DCC: variants seen among roughly 807,000 people sequenced by gnomAD.
The protein encoded by DCC is netrin receptor DCC.
A neutral mutation model predicts 172.5 loss-of-function variants in DCC; 58 were observed. That is an observed-to-expected ratio of 0.34 (90% CI 0.27 to 0.42). DCC has a LOEUF of 0.42. Ranked by LOEUF, DCC falls within the 10% of genes least tolerant of loss-of-function variation. DCC has a pLI of 1.00. For synonymous variants in DCC, 709 were observed against 644.5 expected (o/e 1.10, Z -1.52); for missense variants, 1,740 against 1,791.0 (o/e 0.97, Z 0.51).
chr18:52,786,335 A>G (rs1479539108), intron 2 of DCC, among the ~76,000 whole-genome samples: 1 of 152,048 alleles, frequency 6.6e-6, no homozygotes, highest in Non-Finnish European at 1.5e-5. Flanking sequence ...ATTTGATTAC[A>G]GGAATAAGCA....
chr18:53,405,229 A>T (rs1546302), intron 19 of DCC, among the ~76,000 whole-genome samples: 1 of 151,096 alleles, frequency 6.6e-6, no homozygotes, highest in Non-Finnish European at 1.5e-5. Flanking sequence ...TCTCAGTGCG[A>T]CCAGGTAGAT....
intron 15 of DCC, among the ~76,000 whole-genome samples, chr18:53,379,892 A>G (rs12607571): frequency 0.46 from 69,719 of 152,102 alleles, 16,934 homozygotes; most frequent in Non-Finnish European, 0.54. Flanking sequence ...GGACTTCCAA[A>G]TTATTATTTG....
At chr18:52,486,728 A>T (rs1403840021) in intron 1 of DCC, among the ~76,000 whole-genome samples, 4 of 152,162 alleles carry the variant, frequency 2.6e-5, no homozygotes, top group African/African-American at 9.6e-5. Flanking sequence ...TTATTGACTA[A>T]GAGAAAGCTT....
intron 9 of DCC, among the ~76,000 whole-genome samples, chr18:53,204,318 G>T (rs2055591344): frequency 6.6e-6 from 1 of 152,246 alleles, no homozygotes; most frequent in East Asian, 1.9e-4. Context: ...AAGGCAGGAG[G>T]ATCGCTTGCC....
intron 9 of DCC, among the ~76,000 whole-genome samples, chr18:53,200,053 G>A (rs768428428): frequency 6.6e-6 from 1 of 152,108 alleles, no homozygotes; most frequent in Non-Finnish European, 1.5e-5. Flanking sequence ...TGATAAAAAC[G>A]CATCCTGTTG....
chr18:52,796,384 T>C (rs1360974622), intron 2 of DCC, among the ~76,000 whole-genome samples: 1 of 152,122 alleles, frequency 6.6e-6, no homozygotes, highest in East Asian at 1.9e-4. Context: ...TTTCTCTTTC[T>C]CATTTGTGTA....
intron 2 of DCC, among the ~76,000 whole-genome samples, chr18:52,794,914 TGTG>T (rs1285814285): frequency 6.6e-6 from 1 of 152,088 alleles, no homozygotes; most frequent in Non-Finnish European, 1.5e-5. Context: ...CTTCTATTGA[TGTG>T]GTGTATCTCA....
chr18:53,497,316 A>ATCCTT (rs1453297253), intron 26 of DCC, among the ~76,000 whole-genome samples: 2 of 152,260 alleles, frequency 1.3e-5, no homozygotes, highest in African/African-American at 4.8e-5. Context: ...TATCTTGAGA[A>ATCCTT]TCCTTTGTGA....
intron 2 of DCC, 84 bp from the exon 3 acceptor site, chr18:52,905,960 A>G (rs2039875587): frequency 3.1e-6 from 3 of 960,242 alleles, no homozygotes; most frequent in Admixed American, 1.8e-5. Context: ...AATTTTCTAC[A>G]AAGAATACAA....
intron 2 of DCC, among the ~76,000 whole-genome samples, chr18:52,858,592 A>G (rs1296392619): frequency 6.6e-6 from 1 of 152,156 alleles, no homozygotes; most frequent in Non-Finnish European, 1.5e-5. Context: ...TCCCCCGTGT[A>G]TCTGCAACCT....
chr18:52,923,125 G>A (rs1368106581), intron 3 of DCC, among the ~76,000 whole-genome samples: 2 of 152,132 alleles, frequency 1.3e-5, no homozygotes, highest in African/African-American at 4.8e-5. Flanking sequence ...AAAATAAAAA[G>A]CCAGACACAG....
chr18:53,150,789 T>C (rs948524), intron 7 of DCC, among the ~76,000 whole-genome samples: 47,246 of 152,096 alleles, frequency 0.31, 9,185 homozygotes, highest in East Asian at 0.59. Flanking sequence ...ATTGAGCAAG[T>C]TCAGCATGGA....
chr18:52,554,738 A>G (rs1032990025), intron 1 of DCC, among the ~76,000 whole-genome samples: 4 of 152,124 alleles, frequency 2.6e-5, no homozygotes, highest in African/African-American at 9.7e-5. Context: ...TCTCAGAGAC[A>G]TTTACAGACC....
At chr18:52,703,173 A>T (rs1444208104) in intron 1 of DCC, among the ~76,000 whole-genome samples, 1 of 152,158 alleles carries the variant, frequency 6.6e-6, no homozygotes, top group Admixed American at 6.5e-5. Context: ...CTGAATTTTG[A>T]ATATCTCTTT....
At chr18:53,287,329 C>T (rs992355398) in intron 12 of DCC, among the ~76,000 whole-genome samples, 1 of 152,160 alleles carries the variant, frequency 6.6e-6, no homozygotes, top group Non-Finnish European at 1.5e-5. Context: ...CTTTTGATGG[C>T]TAAATTAATA....
At chr18:53,185,705 C>T (rs10163720) in intron 9 of DCC, among the ~76,000 whole-genome samples, 6 of 151,986 alleles carry the variant, frequency 3.9e-5, no homozygotes, top group Non-Finnish European at 8.8e-5. Context: ...TGCTGGTAAA[C>T]GAGGATACAA....
chr18:53,059,277 A>G (rs1336763082), intron 5 of DCC, among the ~76,000 whole-genome samples: 1 of 152,172 alleles, frequency 6.6e-6, no homozygotes, highest in Non-Finnish European at 1.5e-5. Flanking sequence ...GTGGAGACGT[A>G]GCCAAACTGT....
chr18:53,374,606 G>A (rs1244146927), intron 15 of DCC, among the ~76,000 whole-genome samples: 2 of 152,042 alleles, frequency 1.3e-5, no homozygotes, highest in Non-Finnish European at 2.9e-5. Context: ...TGCTTGTTGA[G>A]TGAAAAGGCA....
chr18:52,431,788 T>C (rs1271667862), intron 1 of DCC, among the ~76,000 whole-genome samples: 2 of 152,100 alleles, frequency 1.3e-5, no homozygotes, highest in Non-Finnish European at 2.9e-5. Context: ...TTATCAAGTG[T>C]CTCACCAATA....
Sources: gnomAD v4.1 joint callset for allele counts (sites outside exome capture counted in the v4.1 genomes callset) on GRCh38, gnomAD v4.1.1 for gene constraint, MANE v1.5 for transcripts, NCBI Gene and HGNC (gene_info 2026-07-23, HGNC 2026-07-21) for gene names.